ANO4: variants seen among roughly 807,000 people sequenced by gnomAD.
ANO4 encodes anoctamin-4.
A neutral mutation model predicts 141.9 loss-of-function variants in ANO4; 69 were observed. The observed-to-expected ratio is 0.49, with a 90% CI of 0.40 to 0.59. The LOEUF is 0.59. Among genes scored for constraint, ANO4 ranks in the 20% least tolerant of loss-of-function variants. The probability of loss-of-function intolerance (pLI) is 0.00; values close to 1 mark genes in which losing one functional copy is unlikely to be tolerated. For synonymous variants in ANO4, 350 were observed against 394.3 expected, an observed-to-expected ratio of 0.89 and a Z score of 1.33; for missense variants, 894 against 1,162.2, an observed-to-expected ratio of 0.77 and a Z score of 3.36.
chr12:100,785,134 G>A (rs1258542738), intron 3 of ANO4, among the ~76,000 whole-genome samples: 1 of 152,120 alleles, frequency 6.6e-6, no homozygotes, highest in Non-Finnish European at 1.5e-5. Flanking sequence ...TGAATGTACA[G>A]AGATTTCCCA....
At chr12:101,055,774 T>G (rs1221979569) in intron 14 of ANO4, among the ~76,000 whole-genome samples, 2 of 152,194 alleles carry the variant, frequency 1.3e-5, no homozygotes, top group East Asian at 3.8e-4. Flanking sequence ...CTATATTGTC[T>G]TCTAAAAAGC....
rs185865004 is a variant in ANO4 at position 101,038,017 on chromosome 12, T to G, written c.897+867T>G. Among the ~76,000 whole-genome samples the G allele has an allele frequency of 2.1e-3, 323 of 152,056 alleles. 1 individual carries two copies. The highest frequency in any genetic ancestry group is 7.3e-3 in the African/African-American group (304 of 41,508). On this transcript the variant is annotated intron_variant, in intron 10 of 27. Coordinates refer to ENST00000392977, the MANE Select transcript of ANO4 (RefSeq NM_001286615.2). ...TGGCAAGTCTTTCCAAAACATACTT[T>G]TTTTTGGCTTACAGTGGTACTTCTC...
chr12:100,905,802 G>C (rs1050436108), intron 2 of ANO4, among the ~76,000 whole-genome samples: 5 of 152,178 alleles, frequency 3.3e-5, no homozygotes, highest in African/African-American at 1.2e-4. Flanking sequence ...TGTGATGTGG[G>C]CATCAGTGAG....
intron 14 of ANO4, among the ~76,000 whole-genome samples, chr12:101,075,670 TATC>T (rs1367318272): frequency 6.7e-6 from 1 of 149,116 alleles, no homozygotes; most frequent in Non-Finnish European, 1.5e-5. Context: ...CATACACATA[TATC>T]TTTATATAAA....
At chr12:100,993,293 C>G (rs946038631) in intron 8 of ANO4, among the ~76,000 whole-genome samples, 8 of 152,178 alleles carry the variant, frequency 5.3e-5, no homozygotes, top group African/African-American at 1.9e-4. Flanking sequence ...AGTCAACATA[C>G]AAATGCTACT....
At chr12:100,719,480 A>G (rs758000090) in intron 1 of ANO4, among the ~76,000 whole-genome samples, 1 of 152,184 alleles carries the variant, frequency 6.6e-6, no homozygotes, top group African/African-American at 2.4e-5. Context: ...CTCTTTGACA[A>G]TTGAATTCCT....
At chr12:100,799,116 G>T (rs1228360289) in intron 1 of ANO4, among the ~76,000 whole-genome samples, 1 of 152,166 alleles carries the variant, frequency 6.6e-6, no homozygotes, top group African/African-American at 2.4e-5. Flanking sequence ...CTGGCTGTGT[G>T]ACTCAAATTC....
intron 1 of ANO4, among the ~76,000 whole-genome samples, chr12:100,823,384 T>C (rs893342697): frequency 6.6e-6 from 1 of 152,094 alleles, no homozygotes; most frequent in Non-Finnish European, 1.5e-5. Flanking sequence ...AAATATCTGT[T>C]ATTTCACTTA....
At chr12:100,992,357 A>G (rs1172133719) in intron 8 of ANO4, among the ~76,000 whole-genome samples, 1 of 152,166 alleles carries the variant, frequency 6.6e-6, no homozygotes, top group Non-Finnish European at 1.5e-5. Context: ...GTTGTGATCC[A>G]GACACATGCA....
intron 1 of ANO4, among the ~76,000 whole-genome samples, chr12:100,811,955 T>C (rs989836315): frequency 1.3e-5 from 2 of 152,178 alleles, no homozygotes; most frequent in East Asian, 1.9e-4. Context: ...TACAGACTTA[T>C]GTCATAGTGC....
chr12:101,090,721 C>T (rs2136922428), intron 17 of ANO4, among the ~76,000 whole-genome samples: 1 of 151,912 alleles, frequency 6.6e-6, no homozygotes, highest in South Asian at 2.1e-4. Context: ...ACATTGTGCA[C>T]ATGTACCCTA....
Position 100,928,382 on chromosome 12 carries a change from T to C in ANO4, c.160+6052T>C, listed in dbSNP as rs188704446. 2.2e-3 allele frequency among the ~76,000 whole-genome samples: 342 copies of C among 152,288 alleles called. 3 individuals are homozygous for C. The highest frequency in any genetic ancestry group is 1.1e-3 in the Non-Finnish European group (78 of 67,996). On this transcript the variant is annotated intron_variant, in intron 3 of 27. Transcript: ENST00000392977. ...CAGTCAGGGGTGTATAAGTGTTGAC[T>C]GCCACCTTTGTCTTTATTCCTCAAT...
At chr12:100,731,367 G>A (rs2031374097) in intron 1 of ANO4, among the ~76,000 whole-genome samples, 1 of 152,020 alleles carries the variant, frequency 6.6e-6, no homozygotes, top group Non-Finnish European at 1.5e-5. Flanking sequence ...TTTTTTTACA[G>A]CAGTTTTAGG....
At chr12:100,750,524 G>A (rs995227831) in intron 3 of ANO4, among the ~76,000 whole-genome samples, 1 of 151,958 alleles carries the variant, frequency 6.6e-6, no homozygotes, top group Non-Finnish European at 1.5e-5. Context: ...CAAGACACAG[G>A]TAACAAAAAA....
At chr12:100,834,773 G>A (rs1042102844) in intron 1 of ANO4, among the ~76,000 whole-genome samples, 4 of 152,076 alleles carry the variant, frequency 2.6e-5, no homozygotes, top group African/African-American at 9.7e-5. Context: ...AAAAGTGATT[G>A]GAGAAGGTCT....
At chr12:100,825,594 A>G (rs1593438776) in intron 1 of ANO4, among the ~76,000 whole-genome samples, 1 of 152,166 alleles carries the variant, frequency 6.6e-6, no homozygotes, top group South Asian at 2.1e-4. Context: ...AAGAAGAACT[A>G]GGAAGATGTC....
At chr12:100,936,607 A>G (rs1386834121) in intron 3 of ANO4, among the ~76,000 whole-genome samples, 1 of 152,210 alleles carries the variant, frequency 6.6e-6, no homozygotes, top group Admixed American at 6.5e-5. Flanking sequence ...AGTATGAGCC[A>G]GTCACCTAGA....
At chr12:100,805,451 A>G (rs74482130) in intron 1 of ANO4, among the ~76,000 whole-genome samples, 6 of 152,172 alleles carry the variant, frequency 3.9e-5, no homozygotes, top group African/African-American at 1.4e-4. Flanking sequence ...TTGGTTCCAT[A>G]TGAATTTAAA....
chr12:101,012,036 C>T (rs984574220), intron 8 of ANO4, among the ~76,000 whole-genome samples: 1 of 151,822 alleles, frequency 6.6e-6, no homozygotes, highest in Non-Finnish European at 1.5e-5. Context: ...AAAAGTAGTA[C>T]CACATACAAA....
Sources: allele counts gnomAD v4.1 joint callset (sites outside exome capture counted in the v4.1 genomes callset), GRCh38; gene constraint gnomAD v4.1.1; transcripts MANE v1.5; gene names NCBI Gene and HGNC (gene_info 2026-07-23, HGNC 2026-07-21).